PCDHGA4: variants seen among roughly 807,000 people sequenced by gnomAD.
The protein encoded by PCDHGA4 is protocadherin gamma subfamily A, 4.
In PCDHGA4, 38 loss-of-function variants were observed where a neutral mutation model predicts 54.6. The ratio of observed to expected loss-of-function variants is 0.70; its 90% CI spans 0.54 to 0.91. PCDHGA4 has a LOEUF of 0.91. PCDHGA4 is among the 40% of genes least tolerant of loss of function. The pLI is 0.00. For synonymous variants in PCDHGA4, 511 were observed against 512.9 expected, an observed-to-expected ratio of 1.00 and a Z score of 0.05; for missense variants, 1,298 against 1,220.9, an observed-to-expected ratio of 1.06 and a Z score of -0.94.
chr5:141,485,033 T>C lies in PCDHGA4; in HGVS notation c.2515-9774T>C. 1 of 689,352 alleles carries C rather than the reference T, an allele frequency of 1.5e-6. No homozygotes were observed. The highest frequency in any genetic ancestry group is 2.5e-6 in the Non-Finnish European group (1 of 392,590). The allele number at this position is 689,352 out of a possible 1,614,324, so 42.7% of individuals were successfully genotyped here. On this transcript the variant is annotated intron_variant, in intron 1 of 3. Coordinates refer to ENST00000571252, the MANE Select transcript of PCDHGA4 (RefSeq NM_018917.4). This position sits in a 1 kb window ranked among gnomAD's most constrained non-coding sequence, Gnocchi z 5.7. ...CCCCGCCACCAGCAAAAACGGCGCG[T>C]AACCCTTGCGGCGCCGGCCGAACCG...
At chr5:141,504,995 G>A (rs1214858212) in intron 2 of PCDHGA4, among the ~76,000 whole-genome samples, 6 of 151,980 alleles carry the variant, frequency 3.9e-5, no homozygotes, top group African/African-American at 1.5e-4. Context: ...AACCCCGTCT[G>A]TACTAAAAAT....
intron 1 of PCDHGA4, chr5:141,371,172 T>G: frequency 6.2e-7 from 1 of 1,614,016 alleles, no homozygotes; most frequent in Non-Finnish European, 8.5e-7. Flanking sequence ...CGCTGGCTCC[T>G]CCGTATTAAA....
intron 1 of PCDHGA4, chr5:141,441,477 C>T (rs529495102): frequency 1.2e-4 from 20 of 170,782 alleles, no homozygotes; most frequent in Middle Eastern, 5.7e-4. Context: ...ATGCCAACGA[C>T]AATGCTCTGG....
At chr5:141,409,330 C>T (rs920851409) in intron 1 of PCDHGA4, 1 of 1,613,836 alleles carries the variant, frequency 6.2e-7, no homozygotes, top group African/African-American at 1.3e-5. Flanking sequence ...ATCTGGATTT[C>T]GGAGGAAATG....
At chr5:141,413,697 T>G in intron 1 of PCDHGA4, 4 of 1,613,632 alleles carry the variant, frequency 2.5e-6, no homozygotes, top group Non-Finnish European at 3.4e-6. Flanking sequence ...TGCAGAGCTA[T>G]CAGCTCAGCC....
chr5:141,501,706 T>TA (rs2099810629), intron 2 of PCDHGA4, among the ~76,000 whole-genome samples: 1 of 152,094 alleles, frequency 6.6e-6, no homozygotes, highest in South Asian at 2.1e-4. Flanking sequence ...ATTCCGAGGA[T>TA]AAAAAAGACA....
chr5:141,384,464 A>G, intron 1 of PCDHGA4: 2 of 1,614,112 alleles, frequency 1.2e-6, no homozygotes, highest in Non-Finnish European at 1.7e-6. Context: ...TCCTTTGATT[A>G]TGAGCAGTTG....
chr5:141,500,444 C>T (rs1032064705), intron 2 of PCDHGA4, among the ~76,000 whole-genome samples: 3 of 151,370 alleles, frequency 2.0e-5, no homozygotes, highest in African/African-American at 4.9e-5. Context: ...CTCCTGACCT[C>T]GTGATCCGCC....
chr5:141,446,639 G>C (rs1461520959), intron 1 of PCDHGA4, among the ~76,000 whole-genome samples: 1 of 152,116 alleles, frequency 6.6e-6, no homozygotes, highest in Non-Finnish European at 1.5e-5. Context: ...ACCACGCCTG[G>C]CTAATTTTTG....
In PCDHGA4 at chr5:141,487,241, A is replaced by G. The variant is rs753291480; in HGVS notation, c.2515-7566A>G. ...TCCAAGGGAAGGAGAATCTCGTCTA[A>G]CCCTCTACTTGGCTGTGTCCCTAGT... On this transcript the variant is annotated intron_variant, in intron 1 of 3. Transcript: ENST00000571252. The surrounding 1 kb of genome is among the most constrained non-coding windows in gnomAD (Gnocchi z 5.0). 2 of 1,613,876 alleles carry G rather than the reference A, an allele frequency of 1.2e-6. No homozygotes were observed. The highest frequency in any genetic ancestry group is 3.3e-5 in the Admixed American group (2 of 59,988).
In PCDHGA4 at chr5:141,476,908, A is replaced by G. The variant is rs754076231; in HGVS notation, c.2515-17899A>G. 6.2e-7 allele frequency: 1 copy of G among 1,614,050 alleles called. No individual in the cohort carries two copies. The highest frequency in any genetic ancestry group is 8.5e-7 in the Non-Finnish European group (1 of 1,180,038). On this transcript the variant is annotated intron_variant, in intron 1 of 3. Coordinates refer to ENST00000571252, the MANE Select transcript of PCDHGA4 (RefSeq NM_018917.4). This position sits in a 1 kb window ranked among gnomAD's most constrained non-coding sequence, Gnocchi z 7.6. ...ATGCACCCTCCGGCACGCGCGTGGT[A>G]CAAGTCCTTGCAACGGATCTGGATG...
rs1182148013 is a variant in PCDHGA4 at position 141,431,510 on chromosome 5, G to A, written c.2515-63297G>A. 2 of 1,613,904 alleles carry A rather than the reference G, an allele frequency of 1.2e-6. No individual in the cohort carries two copies. Among genetic ancestry groups the A allele is most frequent in the Admixed American group, 1.7e-5 (1 of 60,016 alleles). Reference sequence around the variant, plus strand: ...TGCTCAGCCCGAGTACCGCGCGAGCGTTCCGGAGAATCTGGCCTTGGGCAC... The same window carrying A: ...TGCTCAGCCCGAGTACCGCGCGAGCATTCCGGAGAATCTGGCCTTGGGCAC... On this transcript the variant is annotated intron_variant, in intron 1 of 3. Coordinates refer to ENST00000571252, the MANE Select transcript of PCDHGA4 (RefSeq NM_018917.4). The surrounding 1 kb of genome is among the most constrained non-coding windows in gnomAD (Gnocchi z 4.8).
intron 1 of PCDHGA4, chr5:141,478,551 G>A (rs759604162): frequency 6.2e-6 from 10 of 1,603,054 alleles, no homozygotes; most frequent in South Asian, 3.3e-5. Context: ...GGACAGGTAA[G>A]GTTTAGCAAG....
At chr5:141,418,594 C>A in intron 1 of PCDHGA4, 4 of 1,614,022 alleles carry the variant, frequency 2.5e-6, no homozygotes, top group Non-Finnish European at 3.4e-6. Context: ...TCAGCCAGGA[C>A]GTGTACAGGG....
intron 1 of PCDHGA4, chr5:141,375,340 C>T (rs1177631226): frequency 1.2e-6 from 2 of 1,613,836 alleles, no homozygotes; most frequent in African/African-American, 1.3e-5. Context: ...TCTTGTACAA[C>T]ATCACTGTGA....
At chr5:141,382,013 G>C (rs1000379234) in intron 1 of PCDHGA4, among the ~76,000 whole-genome samples, 1 of 151,580 alleles carries the variant, frequency 6.6e-6, no homozygotes, top group Admixed American at 6.6e-5. Flanking sequence ...ATTTTTAGTA[G>C]AGACGGGGTT....
chr5:141,455,529 G>A (rs2098825323), intron 1 of PCDHGA4, among the ~76,000 whole-genome samples: 1 of 152,146 alleles, frequency 6.6e-6, no homozygotes, highest in Non-Finnish European at 1.5e-5. Flanking sequence ...GGTTTGACCA[G>A]GCATATCATT....
intron 1 of PCDHGA4, chr5:141,371,489 C>A (rs548103153): frequency 6.2e-6 from 10 of 1,613,918 alleles, no homozygotes; most frequent in Non-Finnish European, 8.5e-6. Flanking sequence ...TGGGGACTGC[C>A]GTTGCCCTGA....
At position 141,395,235 on chromosome 5, in the gene PCDHGA4, C is replaced by T. The variant is rs775441341; in HGVS notation, c.2514+37614C>T. 7 of 1,601,042 alleles carry T rather than the reference C, an allele frequency of 4.4e-6. No homozygotes were observed. In the South Asian group the frequency reaches 7.9e-5, roughly 18 times the overall value. ...ATATAAGAATGAAGCTGATCATGGT[C>T]AGGTGAGTTTAGTTCTTTGCTTGCT... On this transcript the variant is annotated intron_variant, in intron 1 of 3. Transcript: ENST00000571252.
Sources: allele counts gnomAD v4.1 joint callset (sites outside exome capture counted in the v4.1 genomes callset), GRCh38; gene constraint gnomAD v4.1.1; non-coding constraint Gnocchi (gnomAD v3.1); transcripts MANE v1.5; gene names NCBI Gene and HGNC (gene_info 2026-07-23, HGNC 2026-07-21).